The following PHACTR2 variants were observed in gnomAD, a reference collection of about 807,000 sequenced individuals.
PHACTR2 encodes the protein chromosome 6 open reading frame 56.
A neutral mutation model predicts 76.0 loss-of-function variants in PHACTR2; 30 were observed. The observed-to-expected ratio is 0.39, with a 90% CI of 0.30 to 0.54. The LOEUF is 0.54. Ranked by LOEUF, PHACTR2 falls within the 20% of genes least tolerant of loss-of-function variation. The pLI is 0.61. For missense variants in PHACTR2, 696 were observed against 781.1 expected (o/e 0.89, Z 1.30); for synonymous variants, 292 against 292.5 (o/e 1.00, Z 0.02).
chr6:143,724,109 T>C (rs1778504213), intron 2 of PHACTR2, among the ~76,000 whole-genome samples: 1 of 151,712 alleles, frequency 6.6e-6, no homozygotes, highest in Non-Finnish European at 1.5e-5. Context: ...ATTACACGTG[T>C]GTGAGACCCC....
rs1479646557 is a variant in PHACTR2, at chr6:143,760,375, G to A, written c.455-26G>A. 1.3e-6 allele frequency: 2 copies of A among 1,585,400 alleles called. No individual in the cohort carries two copies. Among genetic ancestry groups the A allele is most frequent in the Non-Finnish European group, 1.7e-6 (2 of 1,165,108 alleles). On this transcript the variant is annotated intron_variant, in intron 4 of 12. Coordinates refer to ENST00000440869, the MANE Select transcript of PHACTR2 (RefSeq NM_001100164.2). The surrounding 1 kb of genome is among the most constrained non-coding windows in gnomAD (Gnocchi z 6.4). ...ATATGGTGTGTGTCTGTATCAGTCT[G>A]CTTCTGTTCACTTTCTCGTTTATAG...
At position 143,627,295 on chromosome 6, in the gene PHACTR2, A is replaced by G. The variant is rs1776278253; in HGVS notation, c.13+18973A>G. Among the ~76,000 whole-genome samples, 1 of 152,216 alleles carries G rather than the reference A, an allele frequency of 6.6e-6. No homozygotes were observed. The highest frequency in any genetic ancestry group is 2.4e-5 in the African/African-American group (1 of 41,450). ...GCTAAACATTATTATTTTCAAAACT[A>G]AGATAGCTTTACTCAGTTCGATAAC... On this transcript the variant is annotated intron_variant, in intron 1 of 11. Transcript: ENST00000305766. This position sits in a 1 kb window ranked among gnomAD's most constrained non-coding sequence, Gnocchi z 4.3.
rs755637938 is a variant in PHACTR2, at chr6:143,807,121, G to A, written c.1910G>A (p.Arg637Gln). The change falls in exon 12 of 13, where the codon CGA becomes CAA. Residue 637 changes from arginine (R) to glutamine (Q), a missense_variant. Around this residue, in one of 2 missense-constraint regions of PHACTR2, gnomAD observed 236 missense variants for 330.2 expected, o/e 0.71. Coordinates refer to ENST00000440869, the MANE Select transcript of PHACTR2 (RefSeq NM_001100164.2). The surrounding 1 kb of genome is among the most constrained non-coding windows in gnomAD (Gnocchi z 5.5). ...GAAATGGAAGTTCATGAAGAGAGTCGACAGTTTACAAGGTAGGTGACAAAA... is the reference window on the plus strand; with the variant it reads ...GAAATGGAAGTTCATGAAGAGAGTCAACAGTTTACAAGGTAGGTGACAAAA... ...STEMEVHEESRQFTRFHRP is the reference protein window; with the variant it reads ...STEMEVHEESQQFTRFHRP The A allele has an allele frequency of 4.4e-6, 7 of 1,601,390 alleles. No individual in the cohort carries two copies. Among genetic ancestry groups the A allele is most frequent in the African/African-American group, 4.0e-5 (3 of 74,536 alleles).
intron 1 of PHACTR2, among the ~76,000 whole-genome samples, chr6:143,587,458 C>T (rs1226496512): frequency 1.3e-5 from 2 of 151,962 alleles, no homozygotes; most frequent in Non-Finnish European, 2.9e-5. Context: ...TAGAGCGATA[C>T]AATAATAATA....
chr6:143,617,361 G>A lies in PHACTR2; in HGVS notation c.13+9039G>A, dbSNP rs1305576343. ...CCAACCAGATTTAAAAGTCTTGAGG[G>A]CAGATGCCACATCATAGACATCTTT... On this transcript the variant is annotated intron_variant, in intron 1 of 11. Coordinates refer to the PHACTR2 transcript ENST00000305766. This position sits in a 1 kb window ranked among gnomAD's most constrained non-coding sequence, Gnocchi z 4.8. Among the ~76,000 whole-genome samples the A allele has an allele frequency of 6.6e-6, 1 of 152,170 alleles. No individual in the cohort carries two copies. Among genetic ancestry groups the A allele is most frequent in the Non-Finnish European group, 1.5e-5 (1 of 68,028 alleles).
chr6:143,714,409 G>A (rs754661392), intron 2 of PHACTR2, among the ~76,000 whole-genome samples: 1 of 152,192 alleles, frequency 6.6e-6, no homozygotes, highest in South Asian at 2.1e-4. Context: ...TAGTAGATAG[G>A]ATGTAACACT....
chr6:143,578,913 T>TG lies in PHACTR2; in HGVS notation c.217+41706_217+41707insG, dbSNP rs35181006. Among the ~76,000 whole-genome samples the TG allele has an allele frequency of 0.27, 41,429 of 151,800 alleles. 5,679 individuals are homozygous for TG. Among genetic ancestry groups the TG allele is most frequent in the East Asian group, 0.39 (2,013 of 5,140 alleles). Reference sequence around the variant, plus strand: ...TAATCCTGCCCCCAAAACTTTTTTTTTTGTTGTTGAGACAGGATCTTGTTC... The same window carrying TG: ...TAATCCTGCCCCCAAAACTTTTTTTTGTTGTTGTTGAGACAGGATCTTGTTC... On this transcript the variant is annotated intron_variant, in intron 1 of 11. Transcript: ENST00000367584. The surrounding 1 kb of genome is among the most constrained non-coding windows in gnomAD (Gnocchi z 4.5).
intron 1 of PHACTR2, among the ~76,000 whole-genome samples, chr6:143,613,848 C>T (rs542326389): frequency 6.8e-4 from 104 of 152,286 alleles, no homozygotes; most frequent in African/African-American, 2.3e-3. Flanking sequence ...AACCCACCTC[C>T]ACACACAAAG....
chr6:143,541,525 G>A lies in PHACTR2; in HGVS notation c.217+4318G>A, dbSNP rs149950057. 1.3e-5 allele frequency among the ~76,000 whole-genome samples: 2 copies of A among 152,332 alleles called. No homozygotes were observed. Among genetic ancestry groups the A allele is most frequent in the African/African-American group, 4.8e-5 (2 of 41,572 alleles). ...CCTCCAAAAAAAGCAGTATAGGTGT[G>A]TGGACCACTTCATTAGCTTAATGTG... On this transcript the variant is annotated intron_variant, in intron 1 of 11. Coordinates refer to the PHACTR2 transcript ENST00000367584. The surrounding 1 kb of genome is among the most constrained non-coding windows in gnomAD (Gnocchi z 5.3).
rs1300956670 is a variant in PHACTR2, at chr6:143,760,326, C to T, written c.455-75C>T. 3 of 1,345,462 alleles carry T rather than the reference C, an allele frequency of 2.2e-6. No homozygotes were observed. Among genetic ancestry groups the T allele is most frequent in the South Asian group, 1.3e-5 (1 of 75,590 alleles). The allele number at this position is 1,345,462 out of a possible 1,614,324, so 83.3% of individuals were successfully genotyped here. ...AAGCAGACACGCTTTGTGTCACTAT[C>T]GTCATGTCTTGCTCCTTGTGTTTAT... On this transcript the variant is annotated intron_variant, in intron 4 of 12. Transcript: ENST00000440869. The surrounding 1 kb of genome is among the most constrained non-coding windows in gnomAD (Gnocchi z 6.4).
chr6:143,573,429 T>A (rs1214850317), intron 1 of PHACTR2, among the ~76,000 whole-genome samples: 5 of 152,150 alleles, frequency 3.3e-5, no homozygotes, highest in Admixed American at 2.6e-4. Context: ...CATTATTATG[T>A]TTGTCATCCA....
At position 143,624,725 on chromosome 6, in the gene PHACTR2, C is replaced by T. The variant is rs1776224208; in HGVS notation, c.13+16403C>T. 6.6e-6 allele frequency among the ~76,000 whole-genome samples: 1 copy of T among 152,052 alleles called. No individual in the cohort carries two copies. Among genetic ancestry groups the T allele is most frequent in the African/African-American group, 2.4e-5 (1 of 41,410 alleles). ...CTGGAACCCCACGGTTGCCCTGGAT[C>T]AGCTGAGGTGGTTACTAGAGAGGCT... On this transcript the variant is annotated intron_variant, in intron 1 of 11. Transcript: ENST00000305766. This position sits in a 1 kb window ranked among gnomAD's most constrained non-coding sequence, Gnocchi z 4.6.
chr6:143,799,290 G>T (rs944004066), intron 11 of PHACTR2, among the ~76,000 whole-genome samples: 1 of 151,904 alleles, frequency 6.6e-6, no homozygotes, highest in African/African-American at 2.4e-5. Context: ...TTCTTTATTA[G>T]TCTTGCTGGC....
At chr6:143,804,933 C>T in intron 11 of PHACTR2, among the ~76,000 whole-genome samples, 1 of 152,160 alleles carries the variant, frequency 6.6e-6, no homozygotes, top group East Asian at 1.9e-4. Flanking sequence ...AAAGCACTTT[C>T]AAATATGCTC....
At position 143,585,332 on chromosome 6, in the gene PHACTR2, G is replaced by A. The variant is rs1021284967; in HGVS notation, c.217+48125G>A. The stretch of plus-strand genomic sequence containing the variant: ...CATTGGAGCAAGATTCCAGCTACCA[G>A]GAAGAGGCTGGAAGCAGAATTCCAG... On this transcript the variant is annotated intron_variant, in intron 1 of 11. Coordinates refer to the PHACTR2 transcript ENST00000367584. The surrounding 1 kb of genome is among the most constrained non-coding windows in gnomAD (Gnocchi z 5.2). Among the ~76,000 whole-genome samples the A allele has an allele frequency of 3.3e-5, 5 of 152,212 alleles. No individual in the cohort carries two copies. The highest frequency in any genetic ancestry group is 1.2e-4 in the African/African-American group (5 of 41,460).
At position 143,588,348 on chromosome 6, in the gene PHACTR2, A is replaced by G. The variant is rs537898850; in HGVS notation, c.217+51141A>G. ...ATTCAATAATCTTCAAATTTTTGAGAACATTTCATTTTTAGAAAATGGAAC... is the reference window on the plus strand; with the variant it reads ...ATTCAATAATCTTCAAATTTTTGAGGACATTTCATTTTTAGAAAATGGAAC... On this transcript the variant is annotated intron_variant, in intron 1 of 11. Transcript: ENST00000367584. 3.9e-5 allele frequency among the ~76,000 whole-genome samples: 6 copies of G among 152,368 alleles called. No homozygotes were observed. In the South Asian group the frequency reaches 1.0e-3, roughly 26 times the overall value.
At position 143,710,256 on chromosome 6, in the gene PHACTR2, A is replaced by G. The variant is rs962970980; in HGVS notation, c.47-1760A>G. Among the ~76,000 whole-genome samples, 44 of 152,330 alleles carry G rather than the reference A, an allele frequency of 2.9e-4. No homozygotes were observed. The highest frequency in any genetic ancestry group is 1.1e-3 in the African/African-American group (44 of 41,580). ...GATATTTGAGGCAAAAAGAAAACCC[A>G]GGAATCTCACCACCGTGTTGTTTCT... On this transcript the variant is annotated intron_variant, in intron 1 of 12. Coordinates refer to ENST00000440869, the MANE Select transcript of PHACTR2 (RefSeq NM_001100164.2). This position sits in a 1 kb window ranked among gnomAD's most constrained non-coding sequence, Gnocchi z 4.9.
In PHACTR2 at chr6:143,580,712, G is replaced by A. The variant is rs1775562929; in HGVS notation, c.217+43505G>A. ...AATAAAACAATAAAAAATAAAAGAA[G>A]GGAGCCACTTAGTCCTGGCCTCCAT... is the stretch of plus-strand genomic sequence containing the variant. On this transcript the variant is annotated intron_variant, in intron 1 of 11. Transcript: ENST00000367584. The surrounding 1 kb of genome is among the most constrained non-coding windows in gnomAD (Gnocchi z 4.2). 6.6e-6 allele frequency among the ~76,000 whole-genome samples: 1 copy of A among 152,104 alleles called. No homozygotes were observed. Among genetic ancestry groups the A allele is most frequent in the Non-Finnish European group, 1.5e-5 (1 of 68,002 alleles).
Position 143,820,696 on chromosome 6 carries a change from T to C in PHACTR2, c.1923-2978T>C, listed in dbSNP as rs1159153100. Among the ~76,000 whole-genome samples the C allele has an allele frequency of 6.6e-6, 1 of 152,178 alleles. No individual in the cohort carries two copies. Among genetic ancestry groups the C allele is most frequent in the African/African-American group, 2.4e-5 (1 of 41,444 alleles). On this transcript the variant is annotated intron_variant, in intron 12 of 12. Coordinates refer to ENST00000440869, the MANE Select transcript of PHACTR2 (RefSeq NM_001100164.2). This position sits in a 1 kb window ranked among gnomAD's most constrained non-coding sequence, Gnocchi z 4.2. Reference sequence around the variant, plus strand: ...GTGCAAGCTGCCAGTGGATCTACCATTCTGGGGTCTGGAGGACAGTGACTT... The same window carrying C: ...GTGCAAGCTGCCAGTGGATCTACCACTCTGGGGTCTGGAGGACAGTGACTT...
Sources: gnomAD v4.1 joint callset for allele counts (sites outside exome capture counted in the v4.1 genomes callset) on GRCh38, gnomAD v4.1.1 for gene constraint, gnomAD v4.1.1 regional missense constraint, Gnocchi (gnomAD v3.1) non-coding constraint, MANE v1.5 for transcripts, NCBI Gene and HGNC (gene_info 2026-07-23, HGNC 2026-07-21) for gene names.